Variants in AP3M1 observed in about 807,000 individuals in gnomAD.
AP3M1 encodes adaptor related protein complex 3 subunit mu 1.
Under a neutral mutation model 42.6 loss-of-function variants are expected in AP3M1, and 29 were observed. The ratio of observed to expected loss-of-function variants is 0.68; its 90% CI spans 0.51 to 0.93. The LOEUF (loss-of-function observed/expected upper bound fraction) is 0.93, where lower values mean the gene tolerates loss of function less well. AP3M1 is among the 40% of genes least tolerant of loss of function. The pLI is 0.00. For missense variants in AP3M1, 416 were observed against 510.2 expected, an observed-to-expected ratio of 0.82 and a Z score of 1.78; for synonymous variants, 178 against 175.3, an observed-to-expected ratio of 1.02 and a Z score of -0.12.
At chr10:74,148,439 G>C (rs1208232276) in intron 1 of AP3M1, among the ~76,000 whole-genome samples, 1 of 152,212 alleles carries the variant, frequency 6.6e-6, no homozygotes, top group East Asian at 1.9e-4. Flanking sequence ...TCCAAAGGGA[G>C]AGAGAAGTCC....
chr10:74,139,219 C>A (rs1404325466), intron 1 of AP3M1, among the ~76,000 whole-genome samples: 14 of 150,758 alleles, frequency 9.3e-5, no homozygotes, highest in Admixed American at 7.9e-4. Flanking sequence ...CACACACACA[C>A]AAAAAAAAAC....
At chr10:74,131,402 C>T (rs889168927) in intron 4 of AP3M1, among the ~76,000 whole-genome samples, 2 of 151,954 alleles carry the variant, frequency 1.3e-5, no homozygotes, top group Non-Finnish European at 2.9e-5. Context: ...CTCCTAACCT[C>T]GTGATCCACC....
At position 74,134,046 on chromosome 10, in the gene AP3M1, G is replaced by A. The variant is rs147357101; in HGVS notation, c.564C>T (p.Asp188=). The change falls in exon 4 of 9, where the codon GAC becomes GAT. Residue 188 remains aspartate, a synonymous_variant. Coordinates refer to ENST00000355264, the MANE Select transcript of AP3M1 (RefSeq NM_012095.6). The part of the protein sequence containing the change: ...EAYFDVVEEI[D]AIIDKSGSTV... ...AATTACCTGATTTATCTATAATTGC[G>A]TCTATTTCTTCAACAACATCAAAAT... The A allele has an allele frequency of 3.0e-4, 484 of 1,613,952 alleles. 7 individuals are homozygous for A. The South Asian group carries it at 4.6e-3, about 15-fold the overall frequency.
At position 74,121,380 on chromosome 10, in the gene AP3M1, AT is replaced by A. The variant is rs1840453476; in HGVS notation, c.*2429del. On this transcript the variant is annotated 3_prime_UTR_variant, in exon 9 of 9. Coordinates refer to ENST00000355264, the MANE Select transcript of AP3M1 (RefSeq NM_012095.6). ...TGACTCCCACACGCAGGAAAGAATCATTTACTTCATTTGCTCTTGATATACT... is the reference window on the plus strand; with the variant it reads ...TGACTCCCACACGCAGGAAAGAATCATTACTTCATTTGCTCTTGATATACT... 6.6e-6 allele frequency: 1 copy of A among 152,220 alleles called. No homozygotes were observed. The highest frequency in any genetic ancestry group is 6.5e-5 in the Admixed American group (1 of 15,284). The allele number at this position is 152,220 out of a possible 1,614,324, so 9.4% of individuals were successfully genotyped here.
At chr10:74,131,246 C>A (rs925222354) in intron 4 of AP3M1, among the ~76,000 whole-genome samples, 1 of 151,960 alleles carries the variant, frequency 6.6e-6, no homozygotes, top group African/African-American at 2.4e-5. Context: ...GGGCTCACTG[C>A]AAGCTCTGTC....
At chr10:74,126,970 C>CAAAAAAAAA (rs58110411) in intron 6 of AP3M1, among the ~76,000 whole-genome samples, 2 of 32,354 alleles carry the variant, frequency 6.2e-5, no homozygotes, top group East Asian at 1.6e-3. Context: ...GACGCCATCT[C>CAAAAAAAAA]AAAAAAAAAA....
chr10:74,132,801 G>A (rs1205301399), intron 4 of AP3M1, among the ~76,000 whole-genome samples: 1 of 152,104 alleles, frequency 6.6e-6, no homozygotes, highest in Non-Finnish European at 1.5e-5. Context: ...ATGGTATATA[G>A]CAGATTTTCA....
Position 74,126,138 on chromosome 10 carries a change from G to A in AP3M1, c.1011+10C>T. The A allele has an allele frequency of 6.2e-7, 1 of 1,613,858 alleles. No individual in the cohort carries two copies. Among genetic ancestry groups the A allele is most frequent in the Non-Finnish European group, 8.5e-7 (1 of 1,179,756 alleles). ...AACACTTGCTCACTCTTGATTTGAA[G>A]TGGCTGTACCTTGGTGACTGGATCA... On this transcript the variant is annotated intron_variant, in intron 7 of 8. Transcript: ENST00000355264.
rs752803744 is a variant in AP3M1, at chr10:74,146,362, C to T, written c.-4+4393G>A. 1.1e-4 allele frequency among the ~76,000 whole-genome samples: 16 copies of T among 152,108 alleles called. No homozygotes were observed. The South Asian group carries it at 1.2e-3, about 12-fold the overall frequency. On this transcript the variant is annotated intron_variant, in intron 1 of 8. Coordinates refer to ENST00000355264, the MANE Select transcript of AP3M1 (RefSeq NM_012095.6). ...AATTTTTTTAATTAATCATGCAATC[C>T]GATTTACATTTTTAGAAAGATCATA...
intron 4 of AP3M1, among the ~76,000 whole-genome samples, chr10:74,131,037 A>G (rs1191462198): frequency 6.6e-6 from 1 of 152,116 alleles, no homozygotes; most frequent in Non-Finnish European, 1.5e-5. Flanking sequence ...GCTTGAACGT[A>G]GAAGGCGGAG....
At chr10:74,149,535 G>T (rs1437137762) in intron 1 of AP3M1, among the ~76,000 whole-genome samples, 1 of 151,596 alleles carries the variant, frequency 6.6e-6, no homozygotes, top group Admixed American at 6.6e-5. Context: ...TGATCCGCCC[G>T]CTTCAGCCTG....
chr10:74,128,126 G>GAAAAAAAAAC (rs1564544493), intron 6 of AP3M1, among the ~76,000 whole-genome samples: 1 of 135,686 alleles, frequency 7.4e-6, no homozygotes. Context: ...AAAAAAAAAG[G>GAAAAAAAAAC]AAAAGAAAAG....
Position 74,123,923 on chromosome 10 carries a change from G to A in AP3M1, c.1157-13C>T. ...TTTACTTTTAAGCCTGTATCAAAAAGAATGAAAAAGAATAAATTATCATCA... is the reference window on the plus strand; with the variant it reads ...TTTACTTTTAAGCCTGTATCAAAAAAAATGAAAAAGAATAAATTATCATCA... On this transcript the variant is annotated splice_polypyrimidine_tract_variant and intron_variant, in intron 8 of 8. Coordinates refer to ENST00000355264, the MANE Select transcript of AP3M1 (RefSeq NM_012095.6). 6.3e-7 allele frequency: 1 copy of A among 1,595,060 alleles called. No individual in the cohort carries two copies. The highest frequency in any genetic ancestry group is 1.1e-5 in the South Asian group (1 of 90,556).
rs746498728 is a variant in AP3M1 at position 74,121,262 on chromosome 10, C to T, written c.*2548G>A. The T allele has an allele frequency of 1.3e-5, 2 of 152,160 alleles. No homozygotes were observed. Among genetic ancestry groups the T allele is most frequent in the African/African-American group, 2.4e-5 (1 of 41,432 alleles). The allele number at this position is 152,160 out of a possible 1,614,324, so 9.4% of individuals were successfully genotyped here. Reference sequence around the variant, plus strand: ...AATCATTTTCTCAAATCAGTTGCCTCTCAGGACAAGATCAGCATTTTCCTA... The same window carrying T: ...AATCATTTTCTCAAATCAGTTGCCTTTCAGGACAAGATCAGCATTTTCCTA... On this transcript the variant is annotated 3_prime_UTR_variant, in exon 9 of 9. Transcript: ENST00000355264.
intron 2 of AP3M1, 74 bp from the exon 3 acceptor site, chr10:74,136,877 A>C: frequency 9.5e-7 from 1 of 1,051,304 alleles, no homozygotes; most frequent in Non-Finnish European, 1.3e-6. Context: ...TTTGTTCTGA[A>C]GAATAAACTT....
At chr10:74,146,083 C>T (rs1017363927) in intron 1 of AP3M1, among the ~76,000 whole-genome samples, 1 of 152,140 alleles carries the variant, frequency 6.6e-6, no homozygotes, top group Non-Finnish European at 1.5e-5. Flanking sequence ...GAGAAGACAA[C>T]TTAATACAGT....
chr10:74,149,290 TTTTTTTTTTTTTTTTTC>T (rs1841448539), intron 1 of AP3M1, among the ~76,000 whole-genome samples: 1 of 104,486 alleles, frequency 9.6e-6, no homozygotes, highest in African/African-American at 4.8e-5. Context: ...TTTTTTTTTT[TTTTTTTTTTTTTTTTTC>T]GAGGCAGAGT....
chr10:74,143,730 T>C (rs1176794249), intron 1 of AP3M1, among the ~76,000 whole-genome samples: 1 of 152,206 alleles, frequency 6.6e-6, no homozygotes, highest in East Asian at 1.9e-4. Flanking sequence ...GATCACGCAG[T>C]AAGCTAGGAT....
In AP3M1 at chr10:74,136,678, C is replaced by T. The variant is rs537581262; in HGVS notation, c.399G>A (p.Leu133=). 7.5e-6 allele frequency: 12 copies of T among 1,595,890 alleles called. No homozygotes were observed. In the East Asian group the frequency reaches 1.8e-4, roughly 24 times the overall value. Residue 133 remains leucine (L), a synonymous_variant, in exon 3 of 9, where the codon TTG becomes TTA. Coordinates refer to ENST00000355264, the MANE Select transcript of AP3M1 (RefSeq NM_012095.6). ...LATESNILKE[L]IKPPTILRSV... is the part of the protein sequence containing the mutation. The stretch of plus-strand genomic sequence containing the variant: ...AGCGTAGAATTGTTGGTGGTTTAAT[C>T]AATTCTTTCAAAATGTTAGATTCGG...
Sources: gnomAD v4.1 joint callset for allele counts (sites outside exome capture counted in the v4.1 genomes callset) on GRCh38, gnomAD v4.1.1 for gene constraint, MANE v1.5 for transcripts, NCBI Gene and HGNC (gene_info 2026-07-23, HGNC 2026-07-21) for gene names.